CCDC102B: variants seen among roughly 807,000 people sequenced by gnomAD.
CCDC102B encodes coiled-coil domain-containing protein 102B.
Under a neutral mutation model 57.4 loss-of-function variants are expected in CCDC102B, and 75 were observed. That is an observed-to-expected ratio of 1.31 (90% CI 1.08 to 1.58). The LOEUF (loss-of-function observed/expected upper bound fraction) is 1.58. CCDC102B is among the 40% of genes most tolerant of loss of function. The pLI, the probability that CCDC102B is intolerant of heterozygous loss-of-function variation, is 0.00. For missense variants in CCDC102B, 636 were observed against 582.6 expected, an observed-to-expected ratio of 1.09 and a Z score of -0.94; for synonymous variants, 206 against 201.9, an observed-to-expected ratio of 1.02 and a Z score of -0.17.
intron 6 of CCDC102B, among the ~76,000 whole-genome samples, chr18:68,914,749 T>C (rs956401634): frequency 1.3e-5 from 2 of 152,206 alleles, no homozygotes; most frequent in African/African-American, 4.8e-5. Context: ...CTCACACTTA[T>C]TTCAGTGTTT....
chr18:69,054,907 A>T lies in CCDC102B; in HGVS notation c.*770A>T. ...TGGTTTCCCTCTGAGTAGTGGGAAT[A>T]GAGAAAATTAGGAAATTGTGGTTAT... On this transcript the variant is annotated 3_prime_UTR_variant, in exon 8 of 8. Coordinates refer to ENST00000360242, the MANE Select transcript of CCDC102B (RefSeq NM_024781.3). 1 of 985,352 alleles carries T rather than the reference A, an allele frequency of 1.0e-6. No individual in the cohort carries two copies. The highest frequency in any genetic ancestry group is 1.2e-6 in the Non-Finnish European group (1 of 829,888). 61.0% of individuals were successfully genotyped at this position (985,352 alleles called of 1,614,324 possible).
chr18:68,977,569 A>C (rs1184644385), intron 6 of CCDC102B, among the ~76,000 whole-genome samples: 1 of 151,652 alleles, frequency 6.6e-6, no homozygotes, highest in Non-Finnish European at 1.5e-5. Context: ...AAAAAAAAAA[A>C]CAGGTTGTAA....
Position 68,838,821 on chromosome 18 carries a change from T to C in CCDC102B, c.722T>C (p.Leu241Pro), listed in dbSNP as rs750539989. 1.2e-6 allele frequency: 2 copies of C among 1,614,020 alleles called. No homozygotes were observed. The highest frequency in any genetic ancestry group is 1.7e-6 in the Non-Finnish European group (2 of 1,179,946). ...GSGNGETKTG[L>P]RLKAINLPLE... ...GGAAACGGTGAAACGAAAACTGGGCTGAGACTGAAAGCAATAAATCTGCCT... is the reference window on the plus strand; with the variant it reads ...GGAAACGGTGAAACGAAAACTGGGCCGAGACTGAAAGCAATAAATCTGCCT... The change falls in exon 3 of 8, where the codon CTG becomes CCG. Residue 241 changes from leucine to proline, a missense_variant. Leu to Pro is a moderately conservative substitution (Grantham distance 98). Transcript: ENST00000360242.
chr18:68,788,789 C>T (rs1210654013), intron 2 of CCDC102B, among the ~76,000 whole-genome samples: 1 of 151,760 alleles, frequency 6.6e-6, no homozygotes, highest in African/African-American at 2.4e-5. Flanking sequence ...ATCCAATTTG[C>T]CAGTCTGTGT....
chr18:68,896,955 A>T (rs2040263716), intron 5 of CCDC102B, among the ~76,000 whole-genome samples: 1 of 152,090 alleles, frequency 6.6e-6, no homozygotes, highest in South Asian at 2.1e-4. Context: ...TCTTCACTTG[A>T]CACATATATT....
At chr18:68,878,433 T>C (rs2039537430) in intron 5 of CCDC102B, among the ~76,000 whole-genome samples, 1 of 152,218 alleles carries the variant, frequency 6.6e-6, no homozygotes, top group African/African-American at 2.4e-5. Context: ...CAAAGCACGT[T>C]GGTCACTAGT....
intron 2 of CCDC102B, among the ~76,000 whole-genome samples, chr18:68,736,864 C>G (rs1392374088): frequency 6.6e-6 from 1 of 151,952 alleles, no homozygotes; most frequent in Non-Finnish European, 1.5e-5. Flanking sequence ...CACAGCCAAA[C>G]CATATCAATA....
At chr18:68,941,983 T>G (rs1173498053) in intron 6 of CCDC102B, among the ~76,000 whole-genome samples, 1 of 152,086 alleles carries the variant, frequency 6.6e-6, no homozygotes, top group African/African-American at 2.4e-5. Context: ...TGTCTGCCTC[T>G]TGCCAAAGAA....
At position 68,997,573 on chromosome 18, in the gene CCDC102B, C is replaced by T. The variant is rs73451763; in HGVS notation, c.1264-13361C>T. ...AAGTAGACAGCTTGATATGGAATTC[C>T]GGATTTCAGTGTATGTCTGTTAATC... is the stretch of plus-strand genomic sequence containing the variant. On this transcript the variant is annotated intron_variant, in intron 6 of 7. Transcript: ENST00000360242. Among the ~76,000 whole-genome samples, 128 of 152,090 alleles carry T rather than the reference C, an allele frequency of 8.4e-4. 1 individual carries two copies. Among genetic ancestry groups the T allele is most frequent in the African/African-American group, 3.0e-3 (124 of 41,464 alleles).
intron 1 of CCDC102B, among the ~76,000 whole-genome samples, chr18:68,834,641 G>A (rs868535227): frequency 3.5e-4 from 53 of 151,460 alleles, no homozygotes; most frequent in African/African-American, 1.2e-3. Flanking sequence ...TTACAACCAT[G>A]AGTCTATATT....
At chr18:68,967,356 C>A (rs2050190458) in intron 6 of CCDC102B, among the ~76,000 whole-genome samples, 1 of 152,048 alleles carries the variant, frequency 6.6e-6, no homozygotes, top group Non-Finnish European at 1.5e-5. Context: ...GTGCTCAAAT[C>A]CTGATACAAA....
chr18:68,915,889 A>G (rs2041053716), intron 6 of CCDC102B, among the ~76,000 whole-genome samples: 1 of 152,212 alleles, frequency 6.6e-6, no homozygotes, highest in African/African-American at 2.4e-5. Flanking sequence ...TTTCTATGAC[A>G]TATAGGCAGA....
intron 2 of CCDC102B, among the ~76,000 whole-genome samples, chr18:68,780,035 A>G (rs1478867338): frequency 6.6e-6 from 1 of 152,134 alleles, no homozygotes; most frequent in African/African-American, 2.4e-5. Flanking sequence ...CGCTATCCTC[A>G]ACTGTAGGCA....
At chr18:68,748,478 C>T (rs1261854217) in intron 2 of CCDC102B, among the ~76,000 whole-genome samples, 1 of 152,036 alleles carries the variant, frequency 6.6e-6, no homozygotes, top group East Asian at 1.9e-4. Context: ...GCAGAAATTT[C>T]CTAATTTGAC....
chr18:68,793,534 T>C (rs1004806938), upstream of CCDC102B, among the ~76,000 whole-genome samples: 10 of 152,136 alleles, frequency 6.6e-5, no homozygotes, highest in African/African-American at 2.4e-4. Flanking sequence ...TTACTTTCTC[T>C]ATAACATGTC....
At chr18:68,890,186 A>T (rs1177999488) in intron 5 of CCDC102B, among the ~76,000 whole-genome samples, 1 of 151,788 alleles carries the variant, frequency 6.6e-6, no homozygotes, top group Non-Finnish European at 1.5e-5. Context: ...CTTATAATTT[A>T]CACACAGTTT....
chr18:68,861,888 T>G (rs2038775503), intron 4 of CCDC102B, among the ~76,000 whole-genome samples: 1 of 152,246 alleles, frequency 6.6e-6, no homozygotes, highest in African/African-American at 2.4e-5. Flanking sequence ...AACTCAAAAT[T>G]TAAGGGAAAA....
chr18:68,832,556 T>A (rs1284346501), intron 1 of CCDC102B, among the ~76,000 whole-genome samples: 1 of 152,118 alleles, frequency 6.6e-6, no homozygotes, highest in Non-Finnish European at 1.5e-5. Context: ...CCTTGGTTTT[T>A]AGCTTCTGTT....
intron 4 of CCDC102B, among the ~76,000 whole-genome samples, chr18:68,857,277 AATATATATT>A (rs1420116793): frequency 0.031 from 510 of 16,652 alleles, 78 homozygotes; most frequent in Admixed American, 0.072. Flanking sequence ...ATATATATAT[AATATATATT>A]TATATATTAT....
Sources: gnomAD v4.1 joint callset for allele counts (sites outside exome capture counted in the v4.1 genomes callset) on GRCh38, gnomAD v4.1.1 for gene constraint, MANE v1.5 for transcripts, NCBI Gene and HGNC (gene_info 2026-07-23, HGNC 2026-07-21) for gene names.